Variants in FMN1 observed in about 807,000 individuals in gnomAD.
FMN1 encodes formin 1, also known as formin-1.
FMN1 carries 110 observed loss-of-function variants against 132.4 expected under a neutral mutation model. That is an observed-to-expected ratio of 0.83 (90% CI 0.71 to 0.97). The LOEUF (loss-of-function observed/expected upper bound fraction) is 0.97. Ranked by LOEUF, FMN1 falls within the 50% of genes least tolerant of loss-of-function variation. The probability of loss-of-function intolerance (pLI) is 0.00; values close to 1 mark genes in which losing one functional copy is unlikely to be tolerated. For synonymous variants in FMN1, 722 were observed against 651.7 expected, an observed-to-expected ratio of 1.11 and a Z score of -1.64; for missense variants, 1,792 against 1,705.3, an observed-to-expected ratio of 1.05 and a Z score of -0.90.
At chr15:33,037,125 A>C (rs2036226427) in intron 6 of FMN1, among the ~76,000 whole-genome samples, 1 of 152,246 alleles carries the variant, frequency 6.6e-6, no homozygotes, top group African/African-American at 2.4e-5. Flanking sequence ...ATTATAAATT[A>C]TCAAATAAAA....
intron 19 of FMN1, among the ~76,000 whole-genome samples, chr15:32,793,750 T>C (rs1466138684): frequency 4.6e-5 from 7 of 152,196 alleles, no homozygotes; most frequent in African/African-American, 9.7e-5. Context: ...AGCAGCTCTT[T>C]AGTGGTTAAA....
intron 5 of FMN1, among the ~76,000 whole-genome samples, chr15:33,084,838 C>T (rs569071368): frequency 2.6e-5 from 4 of 152,188 alleles, no homozygotes; most frequent in African/African-American, 4.8e-5. Flanking sequence ...TCCTGACTCA[C>T]GGATGCCAAC....
intron 9 of FMN1, among the ~76,000 whole-genome samples, chr15:32,950,054 C>CATATATATATACACACATATATAT (rs1596330385): frequency 2.0e-4 from 1 of 4,916 alleles, no homozygotes; most frequent in Non-Finnish European, 5.3e-4. Flanking sequence ...TATATATACA[C>CATATATATATACACACATATATAT]ATATATATAT....
chr15:32,964,338 T>G (rs2030973676), intron 8 of FMN1, 81 bp from the exon 9 acceptor site: 1 of 1,000,052 alleles, frequency 1.0e-6, no homozygotes, highest in Non-Finnish European at 1.4e-6. Context: ...CTCTAATCCA[T>G]TTTTTAATTT....
At chr15:33,123,126 C>T (rs192286874) in intron 4 of FMN1, among the ~76,000 whole-genome samples, 3,078 of 151,096 alleles carry the variant, frequency 0.02, 106 homozygotes, top group African/African-American at 0.072. Context: ...AACGTCATAT[C>T]GTCAAGCCTT....
intron 9 of FMN1, among the ~76,000 whole-genome samples, chr15:32,954,097 A>G (rs1198506319): frequency 1.3e-5 from 2 of 152,224 alleles, no homozygotes; most frequent in African/African-American, 4.8e-5. Flanking sequence ...ACTAATAGTT[A>G]CCTTCAAGAC....
intron 17 of FMN1, among the ~76,000 whole-genome samples, chr15:32,814,831 T>C (rs183748639): frequency 1.8e-4 from 28 of 152,362 alleles, no homozygotes; most frequent in South Asian, 4.1e-4. Context: ...CTAGTATTTA[T>C]AAATCGGTAA....
At chr15:33,143,166 C>T (rs1964075933) in intron 4 of FMN1, among the ~76,000 whole-genome samples, 2 of 152,188 alleles carry the variant, frequency 1.3e-5, no homozygotes, top group Non-Finnish European at 1.5e-5. Context: ...ATTCTACTCA[C>T]ATCTCTGAGT....
chr15:32,898,532 C>T (rs375361115), intron 15 of FMN1, among the ~76,000 whole-genome samples: 6 of 152,112 alleles, frequency 3.9e-5, no homozygotes, highest in African/African-American at 4.8e-5. Flanking sequence ...AATTACTGAG[C>T]GGATCTAGAT....
chr15:32,862,679 A>G (rs1197093618), intron 16 of FMN1, among the ~76,000 whole-genome samples: 1 of 152,244 alleles, frequency 6.6e-6, no homozygotes, highest in Non-Finnish European at 1.5e-5. Flanking sequence ...AGTAAGACCC[A>G]GATATAATTC....
intron 4 of FMN1, among the ~76,000 whole-genome samples, chr15:33,108,794 G>A (rs548070930): frequency 6.6e-6 from 1 of 152,144 alleles, no homozygotes; most frequent in Admixed American, 6.6e-5. Flanking sequence ...GGCAACATTT[G>A]CCCAAACAAC....
At chr15:32,964,754 C>T (rs2031026443) in intron 8 of FMN1, among the ~76,000 whole-genome samples, 1 of 152,210 alleles carries the variant, frequency 6.6e-6, no homozygotes, top group Non-Finnish European at 1.5e-5. Flanking sequence ...TTTTAGGATT[C>T]ATGCAGGTAA....
In FMN1 at chr15:33,153,800, G is replaced by T. The variant is rs1298418493; in HGVS notation, c.1115C>A (p.Thr372Asn). Residue 372 changes from threonine to asparagine, a missense_variant, in exon 4 of 21, where the codon ACC becomes AAC. Thr to Asn is a moderately conservative substitution (Grantham distance 65). Transcript: ENST00000616417. ...AEFVPKADLL[T>N]LPGAEAGAHG... ...AGCCCCAGCCTCAGCTCCCGGGAGG[G>T]TGAGCAAGTCGGCTTTGGGTACAAA... The T allele has an allele frequency of 6.5e-7, 1 of 1,536,370 alleles. No homozygotes were observed. Among genetic ancestry groups the T allele is most frequent in the Admixed American group, 2.0e-5 (1 of 51,010 alleles).
At chr15:33,175,531 G>T (rs187440080) in intron 3 of FMN1, among the ~76,000 whole-genome samples, 2 of 152,140 alleles carry the variant, frequency 1.3e-5, no homozygotes, top group Non-Finnish European at 2.9e-5. Flanking sequence ...ATTCAAGAAG[G>T]TAGGGAGCCC....
chr15:32,897,696 G>C (rs1422387258), intron 15 of FMN1, among the ~76,000 whole-genome samples: 1 of 152,138 alleles, frequency 6.6e-6, no homozygotes, highest in Non-Finnish European at 1.5e-5. Context: ...AAAAGCAATA[G>C]GATCAGAGCT....
chr15:33,045,225 C>T (rs776074450), intron 6 of FMN1, among the ~76,000 whole-genome samples: 8 of 152,212 alleles, frequency 5.3e-5, no homozygotes, highest in South Asian at 4.1e-4. Context: ...CTGCCCATCC[C>T]GCTGCAGCCA....
At chr15:32,955,691 T>C in intron 9 of FMN1, among the ~76,000 whole-genome samples, 1 of 152,208 alleles carries the variant, frequency 6.6e-6, no homozygotes, top group Non-Finnish European at 1.5e-5. Context: ...GGTTCTCTCA[T>C]AGCATATCCT....
intron 9 of FMN1, among the ~76,000 whole-genome samples, chr15:32,932,536 C>A (rs554089407): frequency 6.6e-6 from 1 of 152,124 alleles, no homozygotes; most frequent in African/African-American, 2.4e-5. Flanking sequence ...GAAGGGTGAC[C>A]TCTTCAATTT....
At chr15:33,019,305 T>C (rs892748269) in intron 6 of FMN1, among the ~76,000 whole-genome samples, 6 of 152,152 alleles carry the variant, frequency 3.9e-5, no homozygotes, top group South Asian at 2.1e-4. Context: ...AGAGTGCTGA[T>C]TGGTGCATTT....
Sources: gnomAD v4.1 joint callset for allele counts (sites outside exome capture counted in the v4.1 genomes callset) on GRCh38, gnomAD v4.1.1 for gene constraint, MANE v1.5 for transcripts, NCBI Gene and HGNC (gene_info 2026-07-23, HGNC 2026-07-21) for gene names.